Variants in FHOD3 observed in about 807,000 individuals in gnomAD.
FHOD3 encodes the protein FH1/FH2 domain-containing protein 3.
FHOD3 carries 90 observed loss-of-function variants against 173.0 expected under a neutral mutation model. That is an observed-to-expected ratio of 0.52 (90% CI 0.44 to 0.62). FHOD3 has a LOEUF of 0.62. Among genes scored for constraint, FHOD3 ranks in the 20% least tolerant of loss-of-function variants. The pLI, the probability that FHOD3 is intolerant of heterozygous loss-of-function variation, is 0.00. For synonymous variants in FHOD3, 828 were observed against 823.0 expected, an observed-to-expected ratio of 1.01 and a Z score of -0.10; for missense variants, 1,945 against 2,034.7, an observed-to-expected ratio of 0.96 and a Z score of 0.85.
chr18:36,302,734 A>G (rs553223688), intron 1 of FHOD3, among the ~76,000 whole-genome samples: 1 of 152,382 alleles, frequency 6.6e-6, no homozygotes, highest in Admixed American at 6.5e-5. Flanking sequence ...TTGCTACATT[A>G]CATTAAGATT....
chr18:36,424,911 A>G (rs999135866), intron 3 of FHOD3, among the ~76,000 whole-genome samples: 11 of 152,188 alleles, frequency 7.2e-5, no homozygotes, highest in African/African-American at 2.7e-4. Context: ...CTCAGTTATC[A>G]CATCGGAGCC....
rs116851754 is a variant in FHOD3, at chr18:36,644,276, G to A, written c.1197-5040G>A. Among the ~76,000 whole-genome samples, 258 of 152,320 alleles carry A rather than the reference G, an allele frequency of 1.7e-3. 7 individuals carry two copies. In the East Asian group the frequency reaches 0.045, roughly 27 times the overall value. ...CTTAGCACAATATAAACACAATTAAGTTACGCTTTATAAGAAAATCTAGTT... is the reference window on the plus strand; with the variant it reads ...CTTAGCACAATATAAACACAATTAAATTACGCTTTATAAGAAAATCTAGTT... On this transcript the variant is annotated intron_variant, in intron 10 of 28. Transcript: ENST00000590592.
Sources: allele counts gnomAD v4.1 joint callset (sites outside exome capture counted in the v4.1 genomes callset), GRCh38; gene constraint gnomAD v4.1.1; transcripts MANE v1.5; gene names NCBI Gene and HGNC (gene_info 2026-07-23, HGNC 2026-07-21).